ITGAX: variants seen among roughly 807,000 people sequenced by gnomAD.
The protein encoded by ITGAX is integrin subunit alpha X.
A neutral mutation model predicts 140.2 loss-of-function variants in ITGAX; 99 were observed. The observed-to-expected ratio is 0.71, with a 90% CI of 0.60 to 0.83. ITGAX has a LOEUF of 0.83. Among genes scored for constraint, ITGAX ranks in the 40% least tolerant of loss-of-function variants. The pLI, the probability that ITGAX is intolerant of heterozygous loss-of-function variation, is 0.00. For missense variants in ITGAX, 1,444 were observed against 1,482.0 expected, an observed-to-expected ratio of 0.97 and a Z score of 0.42; for synonymous variants, 631 against 600.4, an observed-to-expected ratio of 1.05 and a Z score of -0.75.
intron 14 of ITGAX, among the ~76,000 whole-genome samples, chr16:31,367,457 A>G (rs1047951864): frequency 6.6e-6 from 1 of 152,238 alleles, no homozygotes; most frequent in Non-Finnish European, 1.5e-5. Flanking sequence ...TAGGACTTCA[A>G]GTTGTAGCCA....
intron 19 of ITGAX, 42 bp from the exon 20 acceptor site, chr16:31,373,207 A>G: frequency 6.5e-7 from 1 of 1,528,454 alleles, no homozygotes; most frequent in Non-Finnish European, 8.9e-7. Context: ...TTCTAGCCTC[A>G]GTCACAGAAT....
intron 14 of ITGAX, among the ~76,000 whole-genome samples, chr16:31,366,046 A>G (rs1310692137): frequency 2.0e-5 from 3 of 152,246 alleles, no homozygotes; most frequent in African/African-American, 7.2e-5. Flanking sequence ...AACAGTTCGT[A>G]CCAATTCCCA....
chr16:31,378,891 C>G (rs1332534829), intron 23 of ITGAX, among the ~76,000 whole-genome samples: 1 of 151,548 alleles, frequency 6.6e-6, no homozygotes, highest in African/African-American at 2.4e-5. Flanking sequence ...TCTCTGCTCA[C>G]TGCAACCTCC....
rs202220518 is a variant in ITGAX at position 31,371,089 on chromosome 16, C to T, written c.1716C>T (p.Ile572=). The stretch of plus-strand genomic sequence containing the variant: ...CCCTTCTCTCCTCTGGCCAGCGGAT[C>T]GCGGGCTCCCAGCTCTCCTCCAGGC... The part of the protein sequence containing the change: ...PSISPSHSQR[I]AGSQLSSRLQ... The change falls in exon 15 of 30, where the codon ATC becomes ATT. Residue 572 remains isoleucine, a synonymous_variant. Coordinates refer to ENST00000268296, the MANE Select transcript of ITGAX (RefSeq NM_000887.5). 31 of 1,613,886 alleles carry T rather than the reference C, an allele frequency of 1.9e-5. No homozygotes were observed. Among genetic ancestry groups the T allele is most frequent in the African/African-American group, 4.0e-5 (3 of 74,916 alleles).
chr16:31,379,615 A>G lies in ITGAX; in HGVS notation c.2837A>G (p.Lys946Arg), dbSNP rs1480111083. The part of the protein sequence containing the change: ...KYLNFSESEE[K>R]ESHVAMHRYQ... ...CTCAACTTCTCAGAGTCTGAGGAGA[A>G]GGAAAGCCATGTGGCCATGCACAGA... The change falls in exon 24 of 30, where the codon AAG becomes AGG. Residue 946 changes from lysine (K) to arginine (R), a missense_variant. Lys to Arg is a conservative substitution (Grantham distance 26). Transcript: ENST00000268296. 3.8e-6 allele frequency: 6 copies of G among 1,563,326 alleles called. No individual in the cohort carries two copies. In the East Asian group the frequency reaches 9.4e-5, roughly 24 times the overall value.
intron 14 of ITGAX, among the ~76,000 whole-genome samples, chr16:31,370,749 T>G (rs73536402): frequency 0.016 from 2,395 of 152,304 alleles, 56 homozygotes; most frequent in African/African-American, 0.055. Context: ...TATCATTATA[T>G]GAAAGATGAG....
rs554298187 is a variant in ITGAX at position 31,356,620 on chromosome 16, C to T, written c.144-5C>T. 54 of 1,588,230 alleles carry T rather than the reference C, an allele frequency of 3.4e-5. 1 individual carries two copies. In the South Asian group the frequency reaches 3.8e-4, roughly 11 times the overall value. Reference sequence around the variant, plus strand: ...TTACCTAAAGTGTTCTTTGTCTCCTCGCAGGGTGGTGGTTGGAGCCCCCCA... The same window carrying T: ...TTACCTAAAGTGTTCTTTGTCTCCTTGCAGGGTGGTGGTTGGAGCCCCCCA... On this transcript the variant is annotated splice_polypyrimidine_tract_variant and splice_region_variant and intron_variant, in intron 2 of 29. Transcript: ENST00000268296.
chr16:31,361,735 C>T, intron 9 of ITGAX, 101 bp from the exon 10 acceptor site: 1 of 1,265,582 alleles, frequency 7.9e-7, no homozygotes, highest in Non-Finnish European at 1.1e-6. Flanking sequence ...ACCAGCTCTC[C>T]CTGTAGCCTC....
intron 14 of ITGAX, among the ~76,000 whole-genome samples, chr16:31,370,846 C>T (rs777892860): frequency 1.4e-4 from 22 of 152,098 alleles, no homozygotes; most frequent in East Asian, 1.9e-4. Context: ...AGAGACTGAT[C>T]GAATGAATGA....
At chr16:31,377,311 C>T (rs767408476) in intron 23 of ITGAX, 46 bp downstream of exon 23, 1 of 1,326,500 alleles carries the variant, frequency 7.5e-7, no homozygotes, top group Non-Finnish European at 1.0e-6. Context: ...TCTCTCTGAC[C>T]TCAAAAAGAA....
chr16:31,370,334 A>C (rs568081023), intron 14 of ITGAX, among the ~76,000 whole-genome samples: 1 of 152,162 alleles, frequency 6.6e-6, no homozygotes, highest in Non-Finnish European at 1.5e-5. Context: ...GATTGGGCAT[A>C]ACATGAGCAC....
Position 31,362,110 on chromosome 16 carries a change from C to A in ITGAX, c.1122C>A (p.Thr374=), listed in dbSNP as rs2142492429. ...TTCTGGGGGCTGTGGGGAGCTTCAC[C>A]TGGTCTGGAGGTGCCTTCCTGTACC... ...GPVLGAVGSF[T]WSGGAFLYPP... The change falls in exon 11 of 30, where the codon ACC becomes ACA. Residue 374 remains threonine, a synonymous_variant. Coordinates refer to ENST00000268296, the MANE Select transcript of ITGAX (RefSeq NM_000887.5). 6.2e-7 allele frequency: 1 copy of A among 1,614,138 alleles called. No individual in the cohort carries two copies. The highest frequency in any genetic ancestry group is 8.5e-7 in the Non-Finnish European group (1 of 1,180,018).
intron 13 of ITGAX, 42 bp from the exon 14 acceptor site, chr16:31,363,123 G>C: frequency 6.2e-7 from 1 of 1,606,444 alleles, no homozygotes; most frequent in Non-Finnish European, 8.5e-7. Flanking sequence ...TGTGGGTGGA[G>C]GGGTTGCCCG....
intron 14 of ITGAX, among the ~76,000 whole-genome samples, chr16:31,369,271 TGGCCGGGCGGGG>T (rs2080928844): frequency 1.4e-5 from 2 of 138,626 alleles, no homozygotes; most frequent in African/African-American, 6.0e-5. Context: ...ACGAGGCAGC[TGGCCGGGCGGGG>T]GGCTGACCCC....
At position 31,382,228 on chromosome 16, in the gene ITGAX, C is replaced by CTTTTTTTTTTTTTTCTTTTT; in HGVS notation, c.*335_*336insCTTTTTTTTTTTTTTTTTTT. On this transcript the variant is annotated 3_prime_UTR_variant, in exon 30 of 30. Transcript: ENST00000268296. Reference sequence around the variant, plus strand: ...GGCACGAATGATCTTTCTTTCCTTTCTTTTTTTTTTTTTTTCTTTTCTTTT... The same window carrying CTTTTTTTTTTTTTTCTTTTT: ...GGCACGAATGATCTTTCTTTCCTTTCTTTTTTTTTTTTTTCTTTTTTTTTTTTTTTTTTTTCTTTTCTTTT... The CTTTTTTTTTTTTTTCTTTTT allele has an allele frequency of 3.3e-6, 3 of 902,764 alleles. No individual in the cohort carries two copies. Among genetic ancestry groups the CTTTTTTTTTTTTTTCTTTTT allele is most frequent in the South Asian group, 4.4e-5 (2 of 45,496 alleles). The allele number at this position is 902,764 out of a possible 1,614,324, so 55.9% of individuals were successfully genotyped here. A position where few individuals can be genotyped will look rare whatever the true frequency, so the allele number is the denominator to read the frequency against.
At chr16:31,362,817 G>A in intron 12 of ITGAX, 64 bp downstream of exon 12, 1 of 1,608,684 alleles carries the variant, frequency 6.2e-7, no homozygotes, top group Non-Finnish European at 8.5e-7. Context: ...GCAGAGGAGA[G>A]GATGGAGGGG....
rs779971705 is a variant in ITGAX, at chr16:31,357,246, TC to T, written c.319-3del. 6.3e-6 allele frequency: 10 copies of T among 1,594,270 alleles called. No individual in the cohort carries two copies. The Admixed American group carries it at 6.9e-5, about 11-fold the overall frequency. On this transcript the variant is annotated splice_region_variant and splice_polypyrimidine_tract_variant and intron_variant, in intron 4 of 29. Coordinates refer to ENST00000268296, the MANE Select transcript of ITGAX (RefSeq NM_000887.5). ...GGCAGCCCCCCAGCAGCCCGCTGTG[TC>T]CCCAGGCCTGCGGCCCCACCGTGCA... is the stretch of plus-strand genomic sequence containing the variant.
At chr16:31,378,191 A>G (rs1597083304) in intron 23 of ITGAX, among the ~76,000 whole-genome samples, 3 of 152,092 alleles carry the variant, frequency 2.0e-5, no homozygotes, top group Non-Finnish European at 4.4e-5. Flanking sequence ...AGGAAATGGG[A>G]AAAAAGGGCC....
intron 20 of ITGAX, among the ~76,000 whole-genome samples, chr16:31,374,098 G>C (rs1291008556): frequency 6.6e-6 from 1 of 152,162 alleles, no homozygotes; most frequent in East Asian, 1.9e-4. Context: ...AGACCAGCCT[G>C]GCCAACATGG....
Sources: allele counts gnomAD v4.1 joint callset (sites outside exome capture counted in the v4.1 genomes callset), GRCh38; gene constraint gnomAD v4.1.1; transcripts MANE v1.5; gene names NCBI Gene and HGNC (gene_info 2026-07-23, HGNC 2026-07-21).